The following KAT2B variants were observed in gnomAD, a reference collection of about 807,000 sequenced individuals.
KAT2B encodes the protein histone acetyltransferase KAT2B.
KAT2B carries 36 observed loss-of-function variants against 105.9 expected under a neutral mutation model. The observed-to-expected ratio is 0.34, with a 90% CI of 0.26 to 0.45. The LOEUF is 0.45. Among genes scored for constraint, KAT2B ranks in the 20% least tolerant of loss-of-function variants. KAT2B has a pLI of 1.00. For missense variants in KAT2B, 820 were observed against 1,021.6 expected, an observed-to-expected ratio of 0.80 and a Z score of 2.69; for synonymous variants, 397 against 377.9, an observed-to-expected ratio of 1.05 and a Z score of -0.59.
At chr3:20,134,436 C>T (rs1228287489) in intron 11 of KAT2B, among the ~76,000 whole-genome samples, 2 of 152,110 alleles carry the variant, frequency 1.3e-5, no homozygotes, top group African/African-American at 2.4e-5. Context: ...CTCGCTCTGT[C>T]GCCAGGCTGG....
At chr3:20,125,191 C>T (rs865875340) in intron 9 of KAT2B, among the ~76,000 whole-genome samples, 1 of 150,052 alleles carries the variant, frequency 6.7e-6, no homozygotes, top group African/African-American at 2.5e-5. Flanking sequence ...GGCGCCGTGG[C>T]AGGCTCCAGA....
intron 1 of KAT2B, among the ~76,000 whole-genome samples, chr3:20,044,167 T>G (rs1024794904): frequency 2.1e-4 from 32 of 152,172 alleles, no homozygotes; most frequent in African/African-American, 7.5e-4. Flanking sequence ...CAGAGTCATT[T>G]TGGTTCTGTG....
chr3:20,109,187 A>G (rs974367295), intron 5 of KAT2B, among the ~76,000 whole-genome samples: 2 of 152,172 alleles, frequency 1.3e-5, no homozygotes, highest in African/African-American at 2.4e-5. Context: ...GTGATTGCCT[A>G]AGTCTCACGA....
At position 20,105,583 on chromosome 3, in the gene KAT2B, C is replaced by T. The variant is rs62243133; in HGVS notation, c.851+4115C>T. 2.9e-3 allele frequency among the ~76,000 whole-genome samples: 443 copies of T among 152,054 alleles called. 2 individuals are homozygous for T. The highest frequency in any genetic ancestry group is 5.1e-3 in the Non-Finnish European group (347 of 67,990). On this transcript the variant is annotated intron_variant, in intron 5 of 17. Coordinates refer to ENST00000263754, the MANE Select transcript of KAT2B (RefSeq NM_003884.5). The stretch of plus-strand genomic sequence containing the variant: ...CTTGAGCCCAGGAGTTTGAGCCCAG[C>T]CTGGGCAACAGAATGAGACTTCATC...
chr3:20,050,051 T>A (rs766703746), intron 1 of KAT2B, among the ~76,000 whole-genome samples: 4 of 151,910 alleles, frequency 2.6e-5, no homozygotes, highest in Admixed American at 6.6e-5. Flanking sequence ...AATACAAATA[T>A]TAGCAGGGCG....
rs1000703302 is a variant in KAT2B, at chr3:20,065,558, A to AAGAG, written c.304-6774_304-6771dup. ...AAATGCTTTGCTGGCAGTCAAGGAT[A>AAGAG]AGAGCATTGACTGTTTTTTAAAGGA... On this transcript the variant is annotated intron_variant, in intron 1 of 17. Transcript: ENST00000263754. Among the ~76,000 whole-genome samples, 3 of 147,642 alleles carry AAGAG rather than the reference A, an allele frequency of 2.0e-5. No individual in the cohort carries two copies. In the Admixed American group the frequency reaches 2.0e-4, roughly 10 times the overall value.
At chr3:20,102,664 A>G (rs958138463) in intron 5 of KAT2B, among the ~76,000 whole-genome samples, 1 of 152,222 alleles carries the variant, frequency 6.6e-6, no homozygotes, top group Admixed American at 6.5e-5. Context: ...TGGTTTTACA[A>G]ATCTTAAACT....
chr3:20,099,806 A>G (rs968276049), intron 3 of KAT2B, 56 bp from the exon 4 acceptor site: 6 of 844,384 alleles, frequency 7.1e-6, no homozygotes, highest in African/African-American at 5.1e-5. Context: ...GAGGAGAGAG[A>G]GATAGACATA....
intron 1 of KAT2B, among the ~76,000 whole-genome samples, chr3:20,047,112 G>A (rs921227237): frequency 6.6e-6 from 1 of 151,460 alleles, no homozygotes; most frequent in South Asian, 2.1e-4. Flanking sequence ...TTTGAGGCAG[G>A]GTCTTACTCT....
chr3:20,124,361 G>A (rs1280841789), intron 9 of KAT2B, among the ~76,000 whole-genome samples: 3 of 152,144 alleles, frequency 2.0e-5, no homozygotes, highest in African/African-American at 7.2e-5. Flanking sequence ...GAGGCCTCAG[G>A]GAACTTATAC....
chr3:20,102,025 AT>A (rs901617051), intron 5 of KAT2B, among the ~76,000 whole-genome samples: 1 of 151,986 alleles, frequency 6.6e-6, no homozygotes, highest in African/African-American at 2.4e-5. Context: ...AAGTTAAAGA[AT>A]TTTTTTTAGG....
chr3:20,111,869 C>G, intron 6 of KAT2B, 82 bp downstream of exon 6: 1 of 1,095,598 alleles, frequency 9.1e-7, no homozygotes, highest in African/African-American at 1.6e-5. Context: ...GCATAAATAA[C>G]AAGATCGGAA....
At position 20,125,976 on chromosome 3, in the gene KAT2B, A is replaced by G. The variant is rs1261553186; in HGVS notation, c.1485A>G (p.Glu495=). 1 of 1,613,854 alleles carries G rather than the reference A, an allele frequency of 6.2e-7. No individual in the cohort carries two copies. The highest frequency in any genetic ancestry group is 1.1e-5 in the South Asian group (1 of 91,064). Reference sequence around the variant, plus strand: ...TGGAAGAGCGCAGGGGTGTAATTGAATTTCACGTGGTTGGCAATTCCCTCA... The same window carrying G: ...TGGAAGAGCGCAGGGGTGTAATTGAGTTTCACGTGGTTGGCAATTCCCTCA... ...ARLEERRGVI[E]FHVVGNSLNQ... is the part of the protein sequence containing the mutation. The change falls in exon 10 of 18, where the codon GAA becomes GAG. Residue 495 remains glutamate (E), a synonymous_variant. Coordinates refer to ENST00000263754, the MANE Select transcript of KAT2B (RefSeq NM_003884.5).
At chr3:20,089,819 A>G (rs1698682884) in intron 2 of KAT2B, among the ~76,000 whole-genome samples, 1 of 151,794 alleles carries the variant, frequency 6.6e-6, no homozygotes, top group South Asian at 2.1e-4. Context: ...TGTTTCCTTG[A>G]TTTTTTGTTT....
intron 1 of KAT2B, among the ~76,000 whole-genome samples, chr3:20,059,014 C>A (rs1189272058): frequency 6.6e-6 from 1 of 152,210 alleles, no homozygotes; most frequent in African/African-American, 2.4e-5. Context: ...AGAAGCACTA[C>A]TCCTAATTAC....
intron 1 of KAT2B, among the ~76,000 whole-genome samples, chr3:20,040,982 G>A (rs1245844805): frequency 6.6e-6 from 1 of 152,156 alleles, no homozygotes; most frequent in East Asian, 1.9e-4. Flanking sequence ...TTTGAAGAAG[G>A]GGGATCACTA....
chr3:20,137,922 G>A (rs1699630662), intron 12 of KAT2B, among the ~76,000 whole-genome samples: 2 of 152,206 alleles, frequency 1.3e-5, no homozygotes, highest in Admixed American at 1.3e-4. Flanking sequence ...CAGGAGGATT[G>A]CTGTGCTCAG....
At chr3:20,115,878 T>C (rs1030551252) in intron 7 of KAT2B, among the ~76,000 whole-genome samples, 4 of 152,192 alleles carry the variant, frequency 2.6e-5, no homozygotes, top group African/African-American at 9.6e-5. Flanking sequence ...AGTAGATAGC[T>C]TTTTGAGACT....
chr3:20,085,578 T>A (rs577959424), intron 2 of KAT2B, among the ~76,000 whole-genome samples: 199 of 152,042 alleles, frequency 1.3e-3, no homozygotes, highest in African/African-American at 4.4e-3. Flanking sequence ...TGGTGCAATT[T>A]TGGCTCACTG....
Sources: allele counts gnomAD v4.1 joint callset (sites outside exome capture counted in the v4.1 genomes callset), GRCh38; gene constraint gnomAD v4.1.1; transcripts MANE v1.5; gene names NCBI Gene and HGNC (gene_info 2026-07-23, HGNC 2026-07-21).